The following DOCK9 variants were observed in gnomAD, a reference collection of about 807,000 sequenced individuals.
DOCK9 encodes dedicator of cytokinesis protein 9.
In DOCK9, 89 loss-of-function variants were observed where a neutral mutation model predicts 263.3. The observed-to-expected ratio is 0.34, with a 90% CI of 0.28 to 0.40. DOCK9 has a LOEUF of 0.40. Among genes scored for constraint, DOCK9 ranks in the 10% least tolerant of loss-of-function variants. DOCK9 has a pLI of 1.00. For missense variants in DOCK9, 2,140 were observed against 2,603.4 expected (o/e 0.82, Z 3.87); for synonymous variants, 976 against 973.1 (o/e 1.00, Z -0.06).
At chr13:98,848,959 T>C (rs936268928) in intron 36 of DOCK9, among the ~76,000 whole-genome samples, 13 of 152,188 alleles carry the variant, frequency 8.5e-5, no homozygotes, top group African/African-American at 3.1e-4. Flanking sequence ...TCCACGGCAG[T>C]GTGCCCGAGA....
At chr13:99,071,285 G>A (rs1460635789) in intron 1 of DOCK9, among the ~76,000 whole-genome samples, 17 of 136,146 alleles carry the variant, frequency 1.2e-4, no homozygotes, top group Admixed American at 1.1e-3. Flanking sequence ...TGGAACTACA[G>A]GTGCTTGCCA....
rs1420050033 is a variant in DOCK9 at position 98,868,258 on chromosome 13, C to T, written c.3063G>A (p.Ala1021=). The T allele has an allele frequency of 4.3e-6, 7 of 1,613,822 alleles. No homozygotes were observed. Among genetic ancestry groups the T allele is most frequent in the East Asian group, 2.2e-5 (1 of 44,896 alleles). ...FRDNPEASKN[A]NHSLAVFIKR... ...TGATGAAGACAGCAAGGCTATGATT[C>T]GCGTTCTTAGATGCCTCTGGATTAT... Residue 1021 remains alanine, a synonymous_variant, in exon 28 of 53, where the codon GCG becomes GCA. Coordinates refer to ENST00000682017, the MANE Select transcript of DOCK9 (RefSeq NM_001366683.2).
chr13:99,038,288 C>CTTTTTTTTTT (rs71419743), intron 1 of DOCK9, among the ~76,000 whole-genome samples: 7 of 86,262 alleles, frequency 8.1e-5, no homozygotes, highest in South Asian at 4.0e-4. Flanking sequence ...TTATGCCCCC[C>CTTTTTTTTTT]TTTTTTTTTT....
chr13:98,816,138 A>AT (rs2091826683), intron 45 of DOCK9, among the ~76,000 whole-genome samples: 1 of 152,160 alleles, frequency 6.6e-6, no homozygotes, highest in Admixed American at 6.5e-5. Context: ...AATCTATATA[A>AT]ATAGGATTTA....
At chr13:98,840,727 G>T (rs1171398697) in intron 38 of DOCK9, among the ~76,000 whole-genome samples, 1 of 152,210 alleles carries the variant, frequency 6.6e-6, no homozygotes, top group Non-Finnish European at 1.5e-5. Context: ...ATTTGGGATA[G>T]AAGAGTAGGT....
In DOCK9 at chr13:98,888,532, G is replaced by A. The variant is rs1324643813; in HGVS notation, c.1805C>T (p.Ser602Leu). 4 of 1,613,736 alleles carry A rather than the reference G, an allele frequency of 2.5e-6. No individual in the cohort carries two copies. Among genetic ancestry groups the A allele is most frequent in the African/African-American group, 1.3e-5 (1 of 74,910 alleles). Residue 602 changes from serine (S) to leucine (L), a missense_variant, in exon 17 of 53, where the codon TCA becomes TTA. Ser to Leu is a moderately radical substitution (Grantham distance 145, BLOSUM62 -2). Coordinates refer to ENST00000682017, the MANE Select transcript of DOCK9 (RefSeq NM_001366683.2). ...TTCAAATTGTTTTGTGGGAATGTAT[G>A]ATGAATTAACATAATCTGCAAAGAT... ...SSDFPNYVNSSYIPTKQFETC... is the reference protein window; with the variant it reads ...SSDFPNYVNSLYIPTKQFETC...
chr13:98,892,173 G>C (rs139386849), intron 15 of DOCK9, among the ~76,000 whole-genome samples: 370 of 152,242 alleles, frequency 2.4e-3, no homozygotes, highest in African/African-American at 8.3e-3. Flanking sequence ...AACTGCTCCT[G>C]TCTCTGTGTG....
At chr13:99,038,284 C>CT in intron 1 of DOCK9, among the ~76,000 whole-genome samples, 1 of 70,074 alleles carries the variant, frequency 1.4e-5, no homozygotes, top group African/African-American at 5.8e-5. Flanking sequence ...GGCTTTATGC[C>CT]CCCCTTTTTT....
Position 99,051,855 on chromosome 13 carries a change from C to CAAAA in DOCK9, c.129+34364_129+34367dup, listed in dbSNP as rs11392986. On this transcript the variant is annotated intron_variant, in intron 1 of 32. Transcript: ENST00000427887. ...GCTAAAGAACATGTTCCACTAGTGG[C>CAAAA]AAAAAAAAAAAAAAAAAAAAAATCA... 3.7e-4 allele frequency among the ~76,000 whole-genome samples: 39 copies of CAAAA among 106,036 alleles called. 2 individuals are homozygous for CAAAA. The highest frequency in any genetic ancestry group is 8.6e-4 in the African/African-American group (24 of 28,012). The allele number at this position is 106,036 out of a possible 152,430, so 69.6% of individuals were successfully genotyped here. A position where few individuals can be genotyped will look rare whatever the true frequency, so the allele number is the denominator to read the frequency against.
chr13:98,910,177 C>A (rs1595214660), intron 9 of DOCK9, among the ~76,000 whole-genome samples: 2 of 152,204 alleles, frequency 1.3e-5, no homozygotes, highest in Middle Eastern at 3.4e-3. Flanking sequence ...TAAATGTAAC[C>A]AGAGAAATAA....
intron 1 of DOCK9, among the ~76,000 whole-genome samples, chr13:99,038,057 A>C (rs1232131165): frequency 1.3e-5 from 2 of 152,178 alleles, no homozygotes; most frequent in African/African-American, 4.8e-5. Context: ...AAAACTTATC[A>C]AATTGTGTAT....
At chr13:98,994,470 A>G (rs1880537571) in intron 1 of DOCK9, among the ~76,000 whole-genome samples, 1 of 152,212 alleles carries the variant, frequency 6.6e-6, no homozygotes, top group Non-Finnish European at 1.5e-5. Context: ...TATCCAGCCC[A>G]AAATGTCAAC....
intron 3 of DOCK9, 124 bp from the exon 4 acceptor site, chr13:98,926,043 G>C (rs1273131900): frequency 1.6e-6 from 1 of 620,288 alleles, no homozygotes; most frequent in Non-Finnish European, 2.7e-6. Context: ...TCCCATCAAC[G>C]AGCTAATGCC....
chr13:98,828,450 ATTAAAT>A (rs2092631922), intron 43 of DOCK9, among the ~76,000 whole-genome samples: 1 of 152,226 alleles, frequency 6.6e-6, no homozygotes, highest in African/African-American at 2.4e-5. Flanking sequence ...TGTGGTTTAC[ATTAAAT>A]TTATAGTCAA....
rs1226133525 is a variant in DOCK9 at position 98,884,865 on chromosome 13, G to A, written c.2382+106C>T. 1.2e-5 allele frequency: 16 copies of A among 1,315,558 alleles called. No homozygotes were observed. The Admixed American group carries it at 3.9e-4, about 32-fold the overall frequency. 81.5% of individuals were successfully genotyped at this position (1,315,558 alleles called of 1,614,324 possible). ...AATGAATAACTAATATCAAAATGGTGGAAGAGCAAAAATACTGTTTGCTTT... is the reference window on the plus strand; with the variant it reads ...AATGAATAACTAATATCAAAATGGTAGAAGAGCAAAAATACTGTTTGCTTT... On this transcript the variant is annotated intron_variant, in intron 21 of 52. Transcript: ENST00000682017.
rs2093699168 is a variant in DOCK9, at chr13:98,856,046, A to G, written c.3698-15T>C. ...ATATGGAGAAGCTAAATGGAAATCA[A>G]GCCAACAATAAAGTTTTATTAAGAC... is the stretch of plus-strand genomic sequence containing the variant. On this transcript the variant is annotated splice_polypyrimidine_tract_variant and intron_variant, in intron 33 of 52. Coordinates refer to ENST00000682017, the MANE Select transcript of DOCK9 (RefSeq NM_001366683.2). 1.9e-6 allele frequency: 3 copies of G among 1,613,324 alleles called. No homozygotes were observed. The highest frequency in any genetic ancestry group is 2.5e-6 in the Non-Finnish European group (3 of 1,179,422).
chr13:98,892,706 A>G (rs2046805087), intron 15 of DOCK9, among the ~76,000 whole-genome samples: 1 of 152,188 alleles, frequency 6.6e-6, no homozygotes, highest in African/African-American at 2.4e-5. Context: ...AGACACTGTA[A>G]GCTACTTACG....
chr13:98,922,506 T>C (rs2052214433), intron 5 of DOCK9, among the ~76,000 whole-genome samples: 1 of 152,032 alleles, frequency 6.6e-6, no homozygotes, highest in Non-Finnish European at 1.5e-5. Context: ...CAAATGACAC[T>C]CCCCTATAGT....
chr13:98,897,382 C>G, intron 15 of DOCK9, 106 bp downstream of exon 15: 1 of 1,407,418 alleles, frequency 7.1e-7, no homozygotes, highest in Non-Finnish European at 9.7e-7. Flanking sequence ...TTTGCCATCC[C>G]CTCTGATGTC....
Sources: gnomAD v4.1 joint callset for allele counts (sites outside exome capture counted in the v4.1 genomes callset) on GRCh38, gnomAD v4.1.1 for gene constraint, MANE v1.5 for transcripts, NCBI Gene and HGNC (gene_info 2026-07-23, HGNC 2026-07-21) for gene names.